The following RAVER2 variants were observed in gnomAD, a reference collection of about 807,000 sequenced individuals.
The protein encoded by RAVER2 is ribonucleoprotein PTB-binding 2.
RAVER2 carries 46 observed loss-of-function variants against 78.1 expected under a neutral mutation model. The observed-to-expected ratio is 0.59, with a 90% CI of 0.46 to 0.75. The LOEUF is 0.75. Among genes scored for constraint, RAVER2 ranks in the 30% least tolerant of loss-of-function variants. The pLI, the probability that RAVER2 is intolerant of heterozygous loss-of-function variation, is 0.00. For synonymous variants in RAVER2, 311 were observed against 313.3 expected (o/e 0.99, Z 0.08); for missense variants, 793 against 837.5 (o/e 0.95, Z 0.66).
chr1:64,804,743 A>G, exon 7 of RAVER2: 1 of 1,440,658 alleles, frequency 6.9e-7, no homozygotes, highest in Middle Eastern at 1.8e-4. Context: ...GAGCTCAGTT[A>G]TGGGTAATAC....
At chr1:64,832,820 C>CTT (rs1186065722) in exon 12 of RAVER2, 4 of 152,212 alleles carry the variant, frequency 2.6e-5, no homozygotes, top group African/African-American at 9.7e-5. Context: ...CTGCACTTCT[C>CTT]TTTCCCATTT....
chr1:64,812,635 A>G (rs1376264347), intron 9 of RAVER2, 103 bp from the exon 10 acceptor site: 2 of 654,944 alleles, frequency 3.1e-6, no homozygotes, highest in South Asian at 2.4e-5. Context: ...TAAATATTTC[A>G]TAAGTACACT....
intron 5 of RAVER2, among the ~76,000 whole-genome samples, chr1:64,800,131 G>GTTTTTTT (rs200005863): frequency 2.2e-5 from 3 of 137,740 alleles, no homozygotes; most frequent in Non-Finnish European, 1.6e-5. Context: ...TTTGTTTTTT[G>GTTTTTTT]TTTTTTTTTT....
chr1:64,747,153 C>T (rs1651561790), intron 1 of RAVER2, among the ~76,000 whole-genome samples: 1 of 152,160 alleles, frequency 6.6e-6, no homozygotes, highest in Non-Finnish European at 1.5e-5. Flanking sequence ...GAAGCTTTCT[C>T]AGAATTACAC....
At chr1:64,789,998 T>C (rs1378417075) in intron 5 of RAVER2, among the ~76,000 whole-genome samples, 1 of 152,330 alleles carries the variant, frequency 6.6e-6, no homozygotes, top group African/African-American at 2.4e-5. Flanking sequence ...CTAAGTGTTA[T>C]GCAAATCTTT....
intron 1 of RAVER2, among the ~76,000 whole-genome samples, chr1:64,748,485 T>G (rs2100797408): frequency 6.6e-6 from 1 of 152,344 alleles, no homozygotes; most frequent in South Asian, 2.1e-4. Context: ...CCTCTCAAAC[T>G]TTTCCTCAAA....
intron 2 of RAVER2, among the ~76,000 whole-genome samples, chr1:64,776,019 CAA>C (rs34578439): frequency 4.3e-4 from 38 of 87,400 alleles, no homozygotes; most frequent in Non-Finnish European, 4.4e-4. Flanking sequence ...ACTCTTGTCT[CAA>C]AAAAAAAAAA....
At chr1:64,762,802 C>T (rs1369807406) in intron 1 of RAVER2, among the ~76,000 whole-genome samples, 1 of 152,118 alleles carries the variant, frequency 6.6e-6, no homozygotes, top group Admixed American at 6.5e-5. Context: ...AGATCAGTGT[C>T]TTCATGACCT....
intron 1 of RAVER2, among the ~76,000 whole-genome samples, chr1:64,757,567 A>C (rs1019129552): frequency 6.6e-6 from 1 of 152,206 alleles, no homozygotes; most frequent in East Asian, 1.9e-4. Flanking sequence ...CAGAAATGTG[A>C]GGAAATAAAT....
intron 4 of RAVER2, among the ~76,000 whole-genome samples, chr1:64,786,249 A>G (rs1652776947): frequency 1.3e-5 from 2 of 152,168 alleles, no homozygotes; most frequent in Admixed American, 6.5e-5. Flanking sequence ...ATGTCACACA[A>G]ATGTGACTAG....
intron 1 of RAVER2, among the ~76,000 whole-genome samples, chr1:64,747,034 G>A (rs1456402623): frequency 3.3e-5 from 5 of 152,150 alleles, no homozygotes; most frequent in Non-Finnish European, 7.3e-5. Context: ...AATTGAAGAC[G>A]TTCTGTCTAT....
intron 5 of RAVER2, among the ~76,000 whole-genome samples, chr1:64,799,908 T>C (rs2100867126): frequency 6.6e-6 from 1 of 152,294 alleles, no homozygotes; most frequent in Middle Eastern, 3.4e-3. Context: ...GCATCCTCAC[T>C]AGCATTTATT....
At chr1:64,754,223 C>T (rs775106269) in intron 1 of RAVER2, among the ~76,000 whole-genome samples, 1 of 152,168 alleles carries the variant, frequency 6.6e-6, no homozygotes, top group Non-Finnish European at 1.5e-5. Context: ...CAAGATCATT[C>T]AGCTAATTGG....
chr1:64,800,131 G>A (rs1249270254), intron 5 of RAVER2, among the ~76,000 whole-genome samples: 1 of 137,740 alleles, frequency 7.3e-6, no homozygotes, highest in Non-Finnish European at 1.6e-5. Context: ...TTTGTTTTTT[G>A]TTTTTTTTTT....
chr1:64,773,465 A>G (rs1652377084), intron 2 of RAVER2, among the ~76,000 whole-genome samples: 1 of 152,052 alleles, frequency 6.6e-6, no homozygotes, highest in African/African-American at 2.4e-5. Context: ...TTTGCTGAGA[A>G]TGATGGTTTC....
At chr1:64,770,982 T>C (rs989310833) in intron 2 of RAVER2, among the ~76,000 whole-genome samples, 2 of 151,030 alleles carry the variant, frequency 1.3e-5, no homozygotes, top group Non-Finnish European at 2.9e-5. Flanking sequence ...GGGGTAGGAA[T>C]AGTTAAAAAA....
At chr1:64,805,150 T>G (rs1383042868) in intron 8 of RAVER2, 45 bp downstream of exon 8, 18 of 1,534,262 alleles carry the variant, frequency 1.2e-5, no homozygotes, top group Non-Finnish European at 1.6e-5. Context: ...CAGTCAGGTT[T>G]GAGATTTAAA....
chr1:64,823,802 A>ATTTTTT (rs759134955), intron 11 of RAVER2, among the ~76,000 whole-genome samples: 1 of 122,844 alleles, frequency 8.1e-6, no homozygotes, highest in African/African-American at 3.2e-5. Flanking sequence ...GTAAGTTGTG[A>ATTTTTT]TTTTTTTTTT....
At chr1:64,754,143 A>T (rs377454926) in intron 1 of RAVER2, among the ~76,000 whole-genome samples, 12 of 152,306 alleles carry the variant, frequency 7.9e-5, no homozygotes, top group African/African-American at 2.9e-4. Context: ...AGACTATAAG[A>T]TTGGAATTTC....
Sources: gnomAD v4.1 joint callset for allele counts (sites outside exome capture counted in the v4.1 genomes callset) on GRCh38, gnomAD v4.1.1 for gene constraint, MANE v1.5 for transcripts, NCBI Gene and HGNC (gene_info 2026-07-23, HGNC 2026-07-21) for gene names.